The following SLC6A17 variants were observed in gnomAD, a reference collection of about 807,000 sequenced individuals.
The protein encoded by SLC6A17 is sodium-dependent neutral amino acid transporter SLC6A17.
SLC6A17 carries 21 observed loss-of-function variants against 64.5 expected under a neutral mutation model. The observed-to-expected ratio is 0.33, with a 90% CI of 0.23 to 0.47. The LOEUF (loss-of-function observed/expected upper bound fraction) is 0.47, where lower values mean the gene tolerates loss of function less well. Among genes scored for constraint, SLC6A17 ranks in the 20% least tolerant of loss-of-function variants. The pLI, the probability that SLC6A17 is intolerant of heterozygous loss-of-function variation, is 1.00. For missense variants in SLC6A17, 682 were observed against 963.2 expected, an observed-to-expected ratio of 0.71 and a Z score of 3.86; for synonymous variants, 372 against 399.5, an observed-to-expected ratio of 0.93 and a Z score of 0.82.
intron 6 of SLC6A17, among the ~76,000 whole-genome samples, 187 bp downstream of exon 6, chr1:110,176,926 C>T (rs564244333): frequency 2.6e-5 from 4 of 152,312 alleles, no homozygotes; most frequent in East Asian, 3.9e-4. Flanking sequence ...CAAGGAGAGG[C>T]GTGTCACATC....
intron 10 of SLC6A17, among the ~76,000 whole-genome samples, chr1:110,196,505 T>G (rs1656972528): frequency 6.6e-6 from 1 of 152,084 alleles, no homozygotes; most frequent in African/African-American, 2.4e-5. Flanking sequence ...ACTCCTCTGC[T>G]TCCACCTGCT....
chr1:110,171,579 T>C (rs1322560790), intron 2 of SLC6A17, among the ~76,000 whole-genome samples: 1 of 152,184 alleles, frequency 6.6e-6, no homozygotes, highest in African/African-American at 2.4e-5. Context: ...CCCAGTCTGC[T>C]GTGTCAGCGT....
intron 5 of SLC6A17, among the ~76,000 whole-genome samples, chr1:110,176,115 G>A (rs955539103): frequency 3.3e-5 from 5 of 152,136 alleles, no homozygotes; most frequent in African/African-American, 1.2e-4. Flanking sequence ...CGCACGCAGG[G>A]ATATAGACAT....
chr1:110,197,075 T>C (rs1462188339), intron 10 of SLC6A17, among the ~76,000 whole-genome samples: 1 of 152,240 alleles, frequency 6.6e-6, no homozygotes, highest in Non-Finnish European at 1.5e-5. Context: ...AGTGCACTTC[T>C]ACTGCTTTTC....
At chr1:110,154,568 A>T (rs1482660148) in intron 1 of SLC6A17, among the ~76,000 whole-genome samples, 1 of 152,202 alleles carries the variant, frequency 6.6e-6, no homozygotes, top group South Asian at 2.1e-4. Context: ...ATACAGAAAA[A>T]GATCCCAGGC....
chr1:110,189,443 A>G (rs1423778041), intron 6 of SLC6A17, among the ~76,000 whole-genome samples: 2 of 151,890 alleles, frequency 1.3e-5, no homozygotes, highest in African/African-American at 4.8e-5. Flanking sequence ...AGATCTCTCC[A>G]TTGGCACCAC....
chr1:110,198,900 A>T lies in SLC6A17; in HGVS notation c.*456A>T. The T allele has an allele frequency of 6.1e-6, 1 of 163,260 alleles. No homozygotes were observed. Among genetic ancestry groups the T allele is most frequent in the Non-Finnish European group, 1.3e-5 (1 of 74,990 alleles). 10.1% of individuals were successfully genotyped at this position (163,260 alleles called of 1,614,324 possible). The stretch of plus-strand genomic sequence containing the variant: ...GACTTTGGCTCACTCTGCCATGAGA[A>T]CAGGACACCATCCTGCCCAGCCCAG... On this transcript the variant is annotated 3_prime_UTR_variant, in exon 12 of 12. Transcript: ENST00000331565.
intron 1 of SLC6A17, among the ~76,000 whole-genome samples, chr1:110,161,630 G>A (rs923870883): frequency 2.0e-5 from 3 of 152,188 alleles, no homozygotes; most frequent in Non-Finnish European, 4.4e-5. Flanking sequence ...CCCCTGGGGA[G>A]TCTAACTTGG....
At position 110,199,820 on chromosome 1, in the gene SLC6A17, A is replaced by G. The variant is rs1355314037; in HGVS notation, c.*1376A>G. 2 of 390,334 alleles carry G rather than the reference A, an allele frequency of 5.1e-6. No homozygotes were observed. Among genetic ancestry groups the G allele is most frequent in the Non-Finnish European group, 4.5e-6 (1 of 222,108 alleles). The allele number at this position is 390,334 out of a possible 1,614,324, so 24.2% of individuals were successfully genotyped here. ...TGCAGCCAGGGAGGAACCTGACCCAAGAGTAAATGTCTGCAGAGAGATGGA... is the reference window on the plus strand; with the variant it reads ...TGCAGCCAGGGAGGAACCTGACCCAGGAGTAAATGTCTGCAGAGAGATGGA... On this transcript the variant is annotated 3_prime_UTR_variant, in exon 12 of 12. Transcript: ENST00000331565.
chr1:110,157,299 G>A (rs77098259), intron 1 of SLC6A17, among the ~76,000 whole-genome samples: 7,221 of 152,268 alleles, frequency 0.047, 221 homozygotes, highest in Non-Finnish European at 0.072. Context: ...GTCAGGCCAG[G>A]TGTGGTGGCT....
At chr1:110,154,467 C>G (rs11803000) in intron 1 of SLC6A17, among the ~76,000 whole-genome samples, 75,976 of 152,070 alleles carry the variant, frequency 0.5, 19,411 homozygotes, top group Non-Finnish European at 0.54. Flanking sequence ...AAGGGGAAAT[C>G]GGCCTGTACT....
chr1:110,155,331 T>TA (rs946853732), intron 1 of SLC6A17, among the ~76,000 whole-genome samples: 26 of 152,016 alleles, frequency 1.7e-4, no homozygotes, highest in Non-Finnish European at 3.1e-4. Flanking sequence ...CAGTTTTTTT[T>TA]AAAAAATACA....
chr1:110,186,646 A>C (rs2100942315), intron 6 of SLC6A17, among the ~76,000 whole-genome samples: 1 of 150,142 alleles, frequency 6.7e-6, no homozygotes, highest in East Asian at 2.0e-4. Context: ...CTCATAGAAA[A>C]AGGTCAGCTT....
At chr1:110,195,865 A>G in intron 10 of SLC6A17, 120 bp downstream of exon 10, 1 of 1,385,396 alleles carries the variant, frequency 7.2e-7, no homozygotes, top group South Asian at 1.4e-5. Flanking sequence ...CGGATCATTT[A>G]GGGAAACTGA....
chr1:110,173,898 G>A (rs1656305424), intron 3 of SLC6A17, 75 bp from the exon 4 acceptor site: 11 of 1,529,088 alleles, frequency 7.2e-6, no homozygotes, highest in Admixed American at 4.0e-5. Context: ...CCGACGTGCT[G>A]GGCCTCGGGT....
In SLC6A17 at chr1:110,198,201, C is replaced by T. The variant is rs376648268; in HGVS notation, c.1941C>T (p.Gly647=). The part of the protein sequence containing the change: ...VLRHFHLLSD[G]SNTLSVSYKK... ...GGCACTTCCACCTGCTCTCTGATGG[C>T]TCCAACACCCTCTCCGTGTCCTACA... The change falls in exon 12 of 12, where the codon GGC becomes GGT. Residue 647 remains glycine (G), a synonymous_variant. Coordinates refer to ENST00000331565, the MANE Select transcript of SLC6A17 (RefSeq NM_001010898.4). 1 of 1,614,174 alleles carries T rather than the reference C, an allele frequency of 6.2e-7. No individual in the cohort carries two copies. The highest frequency in any genetic ancestry group is 8.5e-7 in the Non-Finnish European group (1 of 1,180,022).
intron 1 of SLC6A17, among the ~76,000 whole-genome samples, chr1:110,164,470 C>T (rs763970824): frequency 2.6e-5 from 4 of 152,174 alleles, no homozygotes; most frequent in Non-Finnish European, 5.9e-5. Flanking sequence ...TGAGTCTGAC[C>T]CTGTTGTCAC....
At chr1:110,195,522 A>T in intron 9 of SLC6A17, 64 bp from the exon 10 acceptor site, 1 of 1,582,740 alleles carries the variant, frequency 6.3e-7, no homozygotes, top group Non-Finnish European at 8.6e-7. Flanking sequence ...GGTGCCCCCG[A>T]GACCCCCAGG....
Position 110,197,313 on chromosome 1 carries a change from A to G in SLC6A17, c.1653-124A>G, listed in dbSNP as rs1656995326. 6 of 1,292,932 alleles carry G rather than the reference A, an allele frequency of 4.6e-6. No homozygotes were observed. The South Asian group carries it at 7.2e-5, about 15-fold the overall frequency. 80.1% of individuals were successfully genotyped at this position (1,292,932 alleles called of 1,614,324 possible). Reference sequence around the variant, plus strand: ...CACACACAATGAGCACTGAATGTGAAGAATAGAAGAGCCCAGGAGGGAGGG... The same window carrying G: ...CACACACAATGAGCACTGAATGTGAGGAATAGAAGAGCCCAGGAGGGAGGG... On this transcript the variant is annotated intron_variant, in intron 10 of 11. Transcript: ENST00000331565.
Sources: gnomAD v4.1 joint callset for allele counts (sites outside exome capture counted in the v4.1 genomes callset) on GRCh38, gnomAD v4.1.1 for gene constraint, MANE v1.5 for transcripts, NCBI Gene and HGNC (gene_info 2026-07-23, HGNC 2026-07-21) for gene names.